GLYATL2: variants seen among roughly 807,000 people sequenced by gnomAD.
GLYATL2 encodes glycine N-acyltransferase-like protein 2.
In GLYATL2, 25 loss-of-function variants were observed where a neutral mutation model predicts 21.4. That is an observed-to-expected ratio of 1.17 (90% CI 0.85 to 1.63). The LOEUF is 1.63. GLYATL2 is among the 40% of genes most tolerant of loss of function. The pLI, the probability that GLYATL2 is intolerant of heterozygous loss-of-function variation, is 0.00. For synonymous variants in GLYATL2, 114 were observed against 118.2 expected, an observed-to-expected ratio of 0.96 and a Z score of 0.23; for missense variants, 361 against 343.3, an observed-to-expected ratio of 1.05 and a Z score of -0.41.
intron 5 of GLYATL2, 88 bp from the exon 6 acceptor site, chr11:58,834,925 T>G (rs111235124): frequency 0.019 from 18,049 of 963,404 alleles, 233 homozygotes; most frequent in South Asian, 0.04. Context: ...ATTCCTTTCC[T>G]TAAGGACCCT....
chr11:58,908,228 T>C (rs1220400095), upstream of GLYATL2: 1 of 152,236 alleles, frequency 6.6e-6, no homozygotes, highest in Non-Finnish European at 1.5e-5. Flanking sequence ...CTCCCTGAGA[T>C]ATGCCTTGGA....
rs143364300 is a variant in GLYATL2 at position 58,853,771 on chromosome 11, T to G, written n.61-15403A>C. Among the ~76,000 whole-genome samples, 226 of 152,328 alleles carry G rather than the reference T, an allele frequency of 1.5e-3. 1 individual carries two copies. The highest frequency in any genetic ancestry group is 2.7e-3 in the Non-Finnish European group (181 of 68,034). On this transcript the variant is annotated intron_variant and non_coding_transcript_variant, in intron 1 of 4. Coordinates refer to the GLYATL2 transcript ENST00000533636. ...ATGTATACATTGTAAAATGGCACAATAGAGCTAATTAATATATGCACTATC... is the reference window on the plus strand; with the variant it reads ...ATGTATACATTGTAAAATGGCACAAGAGAGCTAATTAATATATGCACTATC...
chr11:58,846,991 A>T (rs1590719832), upstream of GLYATL2, among the ~76,000 whole-genome samples: 1 of 152,050 alleles, frequency 6.6e-6, no homozygotes, highest in East Asian at 1.9e-4. Context: ...TGCATCTTGG[A>T]TATCAGCTCA....
In GLYATL2 at chr11:58,837,330, A is replaced by G; in HGVS notation, c.254T>C (p.Leu85Ser). The G allele has an allele frequency of 6.2e-7, 1 of 1,613,922 alleles. No homozygotes were observed. The highest frequency in any genetic ancestry group is 2.2e-5 in the East Asian group (1 of 44,862). The change falls in exon 4 of 6, where the codon TTA becomes TCA. Residue 85 changes from leucine to serine, a missense_variant. Leu to Ser is a moderately radical substitution (Grantham distance 145). Transcript: ENST00000287275. ...YHIFTKAPDK[L>S]EEVLSYSNVI... ...ATTGGAGTATGACAGGACTTCCTCT[A>G]ATTTGTCAGGAGCTTTGGTGAAGAT...
At position 58,834,657 on chromosome 11, in the gene GLYATL2, C is replaced by G. The variant is rs1853393837; in HGVS notation, c.657G>C (p.Gln219His). 6 of 1,613,252 alleles carry G rather than the reference C, an allele frequency of 3.7e-6. No individual in the cohort carries two copies. Among genetic ancestry groups the G allele is most frequent in the African/African-American group, 2.7e-5 (2 of 74,904 alleles). ...GQLVSWIVMEQSCELRMGYTV... is the reference protein window; with the variant it reads ...GQLVSWIVMEHSCELRMGYTV... ...TATAACCCATTCTCAACTCACAGGA[C>G]TGTTCCATCACAATCCAAGAGACAA... Residue 219 changes from glutamine to histidine, a missense_variant, in exon 6 of 6, where the codon CAG becomes CAC. Transcript: ENST00000287275.
intron 1 of GLYATL2, among the ~76,000 whole-genome samples, chr11:58,891,524 A>T (rs1273980299): frequency 6.6e-6 from 1 of 152,198 alleles, no homozygotes; most frequent in African/African-American, 2.4e-5. Flanking sequence ...TATCTTGCCC[A>T]AGCCCTGGAT....
intron 1 of GLYATL2, among the ~76,000 whole-genome samples, chr11:58,873,115 T>A (rs935038062): frequency 2.0e-5 from 3 of 151,078 alleles, no homozygotes; most frequent in Non-Finnish European, 4.4e-5. Context: ...AGAATGCTTG[T>A]GATTTTTGCA....
At chr11:58,882,753 T>A (rs1226896430) in intron 1 of GLYATL2, among the ~76,000 whole-genome samples, 3 of 152,238 alleles carry the variant, frequency 2.0e-5, no homozygotes, top group Non-Finnish European at 4.4e-5. Flanking sequence ...TGAATTAATT[T>A]TTGTATAAAG....
intron 1 of GLYATL2, among the ~76,000 whole-genome samples, chr11:58,899,671 T>G (rs1293422350): frequency 6.6e-6 from 1 of 152,124 alleles, no homozygotes; most frequent in Non-Finnish European, 1.5e-5. Context: ...AGGGTTGCAG[T>G]CTGAGAAAGC....
the GLYATL2 span, among the ~76,000 whole-genome samples, chr11:58,909,286 T>C: frequency 6.6e-6 from 1 of 152,200 alleles, no homozygotes; most frequent in Non-Finnish European, 1.5e-5. Context: ...AGTTTCCTTA[T>C]ACAAGGTGAA....
chr11:58,893,130 G>A (rs1854573955), intron 1 of GLYATL2: 2 of 404,310 alleles, frequency 4.9e-6, no homozygotes, highest in African/African-American at 2.1e-5. Flanking sequence ...AGAATGAGAG[G>A]AGCCTTCCTT....
intron 1 of GLYATL2, among the ~76,000 whole-genome samples, chr11:58,888,026 T>C (rs533040349): frequency 1.3e-5 from 2 of 152,290 alleles, no homozygotes; most frequent in East Asian, 1.9e-4. Flanking sequence ...GCCAAACTGG[T>C]GGGTGAAAGA....
At chr11:58,898,157 CAGTT>C (rs1192624977) in intron 1 of GLYATL2, among the ~76,000 whole-genome samples, 1 of 151,564 alleles carries the variant, frequency 6.6e-6, no homozygotes, top group Non-Finnish European at 1.5e-5. Flanking sequence ...AATAAAGTAC[CAGTT>C]ATTCTCCATT....
rs559138628 is a variant in GLYATL2, at chr11:58,874,273, T to G, written n.60+29883A>C. Reference sequence around the variant, plus strand: ...ATTCAGTGATTTTTTGAAGGCTTTTTGTGTCTCTATTTCCTTCAGTTCTGC... The same window carrying G: ...ATTCAGTGATTTTTTGAAGGCTTTTGGTGTCTCTATTTCCTTCAGTTCTGC... On this transcript the variant is annotated intron_variant and non_coding_transcript_variant, in intron 1 of 4. Transcript: ENST00000533636. 1.7e-3 allele frequency among the ~76,000 whole-genome samples: 253 copies of G among 152,312 alleles called. 4 individuals are homozygous for G. Among genetic ancestry groups the G allele is most frequent in the African/African-American group, 5.8e-3 (240 of 41,568 alleles).
chr11:58,881,738 T>G lies in GLYATL2; in HGVS notation n.60+22418A>C, dbSNP rs76075239. Among the ~76,000 whole-genome samples, 352 of 152,156 alleles carry G rather than the reference T, an allele frequency of 2.3e-3. 3 individuals carry two copies. Among genetic ancestry groups the G allele is most frequent in the African/African-American group, 7.1e-3 (296 of 41,522 alleles). On this transcript the variant is annotated intron_variant and non_coding_transcript_variant, in intron 1 of 4. Transcript: ENST00000533636. ...TTCTCTTAATGCCATCCCTCCGCCC[T>G]CCCTCCACCCCACGACAGGCCCCAG...
At chr11:58,901,635 G>C (rs935958261) in intron 1 of GLYATL2, among the ~76,000 whole-genome samples, 9 of 151,096 alleles carry the variant, frequency 6.0e-5, no homozygotes, top group Non-Finnish European at 8.8e-5. Context: ...AAGATCCTAA[G>C]AAAACGTGAA....
chr11:58,878,382 G>A, intron 1 of GLYATL2: 1 of 634,512 alleles, frequency 1.6e-6, no homozygotes, highest in Non-Finnish European at 2.3e-6. Context: ...AGGATCATAG[G>A]TAAGCTCCCT....
chr11:58,884,524 T>A (rs1854401384), intron 1 of GLYATL2, among the ~76,000 whole-genome samples: 1 of 152,238 alleles, frequency 6.6e-6, no homozygotes, highest in African/African-American at 2.4e-5. Context: ...GGGCTGATAT[T>A]TTCTATTCTA....
In GLYATL2 at chr11:58,873,651, G is replaced by T. The variant is rs371089375; in HGVS notation, n.60+30505C>A. ...GGGATGAAGCCCACTTGATCATGGT[G>T]GATAAGCTTTTTGATCTGTTGCTGG... On this transcript the variant is annotated intron_variant and non_coding_transcript_variant, in intron 1 of 4. Coordinates refer to the GLYATL2 transcript ENST00000533636. 2.6e-5 allele frequency among the ~76,000 whole-genome samples: 4 copies of T among 152,250 alleles called. No individual in the cohort carries two copies. In the South Asian group the frequency reaches 8.3e-4, roughly 32 times the overall value.
Sources: gnomAD v4.1 joint callset for allele counts (sites outside exome capture counted in the v4.1 genomes callset) on GRCh38, gnomAD v4.1.1 for gene constraint, MANE v1.5 for transcripts, NCBI Gene and HGNC (gene_info 2026-07-23, HGNC 2026-07-21) for gene names.